Variants in PHACTR1 observed in about 807,000 individuals in gnomAD.
PHACTR1 encodes phosphatase and actin regulator 1, also known as RPEL repeat containing 1.
A neutral mutation model predicts 69.2 loss-of-function variants in PHACTR1; 16 were observed. The ratio of observed to expected loss-of-function variants is 0.23; its 90% CI spans 0.16 to 0.35. The LOEUF is 0.35. Among genes scored for constraint, PHACTR1 ranks in the 10% least tolerant of loss-of-function variants. The probability of loss-of-function intolerance (pLI) is 1.00; values close to 1 mark genes in which losing one functional copy is unlikely to be tolerated. For missense variants in PHACTR1, 510 were observed against 734.7 expected, an observed-to-expected ratio of 0.69 and a Z score of 3.54; for synonymous variants, 312 against 284.5, an observed-to-expected ratio of 1.10 and a Z score of -0.97.
At chr6:13,230,223 G>A (rs1448506217) in intron 10 of PHACTR1, 30 bp downstream of exon 10, 2 of 1,592,274 alleles carry the variant, frequency 1.3e-6, no homozygotes, top group East Asian at 2.3e-5. Flanking sequence ...TGCCTCCCTG[G>A]CAGTGGGCCT....
chr6:13,161,462 A>AT (rs1758995247), intron 6 of PHACTR1, among the ~76,000 whole-genome samples: 1 of 151,882 alleles, frequency 6.6e-6, no homozygotes, highest in African/African-American at 2.4e-5. Flanking sequence ...ATCAACAGTG[A>AT]TTTTCTATGT....
intron 4 of PHACTR1, among the ~76,000 whole-genome samples, chr6:12,870,299 A>C (rs994270966): frequency 6.6e-6 from 1 of 152,212 alleles, no homozygotes; most frequent in East Asian, 1.9e-4. Context: ...CAGGCAAAGA[A>C]ATACATATCT....
chr6:13,142,539 C>T (rs1822653866), intron 5 of PHACTR1, among the ~76,000 whole-genome samples: 1 of 152,142 alleles, frequency 6.6e-6, no homozygotes, highest in South Asian at 2.1e-4. Context: ...TTTTGCTCTA[C>T]TGTTTAGGTC....
At chr6:13,029,595 TA>T (rs1219441537) in intron 4 of PHACTR1, among the ~76,000 whole-genome samples, 1 of 152,208 alleles carries the variant, frequency 6.6e-6, no homozygotes, top group African/African-American at 2.4e-5. Flanking sequence ...TGGAGGAGCA[TA>T]CTGACATGAA....
At chr6:13,033,487 C>G (rs1229690162) in intron 4 of PHACTR1, among the ~76,000 whole-genome samples, 1 of 152,132 alleles carries the variant, frequency 6.6e-6, no homozygotes, top group African/African-American at 2.4e-5. Context: ...TTAAAATGCA[C>G]CATTATATCA....
At chr6:13,192,680 C>T (rs1376069511) in intron 7 of PHACTR1, among the ~76,000 whole-genome samples, 1 of 152,146 alleles carries the variant, frequency 6.6e-6, no homozygotes, top group Non-Finnish European at 1.5e-5. Flanking sequence ...GGGGCATGTC[C>T]AACATCAACA....
At chr6:13,266,147 C>T (rs1417095641) in intron 10 of PHACTR1, among the ~76,000 whole-genome samples, 1 of 152,138 alleles carries the variant, frequency 6.6e-6, no homozygotes, top group East Asian at 1.9e-4. Flanking sequence ...TCCCATCCAT[C>T]TAGTTGCATG....
intron 7 of PHACTR1, 28 bp downstream of exon 7, chr6:13,182,714 G>A (rs940515798): frequency 2.0e-6 from 3 of 1,486,480 alleles, no homozygotes; most frequent in Admixed American, 2.5e-5. Context: ...TTGTAGAGCA[G>A]GTCCCAGACA....
At chr6:13,024,984 AAGG>A (rs1416922549) in intron 4 of PHACTR1, among the ~76,000 whole-genome samples, 1 of 152,156 alleles carries the variant, frequency 6.6e-6, no homozygotes, top group Non-Finnish European at 1.5e-5. Context: ...AGGGCAAAAG[AAGG>A]AGAACTTATA....
At chr6:12,924,665 C>T (rs1313806762) in intron 4 of PHACTR1, among the ~76,000 whole-genome samples, 1 of 151,542 alleles carries the variant, frequency 6.6e-6, no homozygotes, top group African/African-American at 2.4e-5. Flanking sequence ...GTCCCAGCTA[C>T]TCGGGAGGCT....
intron 3 of PHACTR1, among the ~76,000 whole-genome samples, chr6:12,725,699 CTT>C (rs1288746357): frequency 6.6e-6 from 1 of 152,134 alleles, no homozygotes; most frequent in Non-Finnish European, 1.5e-5. Flanking sequence ...TATTGATACT[CTT>C]GTTTTACGAT....
rs970933715 is a variant in PHACTR1, at chr6:13,196,867, C to CT, written c.665-8947dup. 8.5e-4 allele frequency among the ~76,000 whole-genome samples: 130 copies of CT among 152,346 alleles called. 2 individuals carry two copies. Among genetic ancestry groups the CT allele is most frequent in the Admixed American group, 8.0e-3 (123 of 15,308 alleles). ...GAAGTCTTTCGCAAGCCTCTCTGCTCTATTACTTGATTCACTTTCCAATCA... is the reference window on the plus strand; with the variant it reads ...GAAGTCTTTCGCAAGCCTCTCTGCTCTTATTACTTGATTCACTTTCCAATCA... On this transcript the variant is annotated intron_variant, in intron 7 of 14. Transcript: ENST00000332995.
chr6:13,130,038 T>A (rs1235937116), intron 5 of PHACTR1, among the ~76,000 whole-genome samples: 1 of 152,128 alleles, frequency 6.6e-6, no homozygotes, highest in Non-Finnish European at 1.5e-5. Context: ...AATTAAATAA[T>A]CTGCTCTTAA....
At chr6:13,259,759 T>TCAGGGCCC (rs927390933) in intron 10 of PHACTR1, among the ~76,000 whole-genome samples, 1 of 152,168 alleles carries the variant, frequency 6.6e-6, no homozygotes, top group African/African-American at 2.4e-5. Context: ...GATGCGGGCC[T>TCAGGGCCC]CAGGGCCCCA....
chr6:13,121,857 T>A lies in PHACTR1; in HGVS notation c.416-38347T>A, dbSNP rs570479421. ...CATATGAGCAAGGCTTCACAGTGAA[T>A]CAGTTTGGGAATCTTGGGAACAGGG... On this transcript the variant is annotated intron_variant, in intron 5 of 14. Coordinates refer to ENST00000332995, the MANE Select transcript of PHACTR1 (RefSeq NM_030948.6). Among the ~76,000 whole-genome samples, 12 of 152,310 alleles carry A rather than the reference T, an allele frequency of 7.9e-5. No individual in the cohort carries two copies. The South Asian group carries it at 2.5e-3, about 32-fold the overall frequency.
At position 13,021,963 on chromosome 6, in the gene PHACTR1, T is replaced by C. The variant is rs181107039; in HGVS notation, c.251-31402T>C. Among the ~76,000 whole-genome samples, 4 of 152,364 alleles carry C rather than the reference T, an allele frequency of 2.6e-5. No homozygotes were observed. In the East Asian group the frequency reaches 7.7e-4, roughly 29 times the overall value. On this transcript the variant is annotated intron_variant, in intron 4 of 14. Coordinates refer to ENST00000332995, the MANE Select transcript of PHACTR1 (RefSeq NM_030948.6). The stretch of plus-strand genomic sequence containing the variant: ...AGGGTCAGAGAGTCAGAGTAGCTCA[T>C]GGCTTCCTAAATGTCACCTGCCCAT...
intron 4 of PHACTR1, among the ~76,000 whole-genome samples, chr6:12,823,522 C>T (rs868555726): frequency 6.6e-6 from 1 of 152,286 alleles, no homozygotes; most frequent in Middle Eastern, 3.4e-3. Flanking sequence ...ACAAACATAA[C>T]AAGCCCATCT....
At chr6:13,211,626 T>C (rs1241442007) in intron 8 of PHACTR1, among the ~76,000 whole-genome samples, 1 of 152,354 alleles carries the variant, frequency 6.6e-6, no homozygotes, top group African/African-American at 2.4e-5. Context: ...GCCAAAGACC[T>C]GGAGTCACCC....
chr6:13,043,008 T>A (rs1804428391), intron 4 of PHACTR1, among the ~76,000 whole-genome samples: 1 of 152,210 alleles, frequency 6.6e-6, no homozygotes, highest in Non-Finnish European at 1.5e-5. Flanking sequence ...TTCAGGGTTA[T>A]AGTGGTTTCA....
Sources: allele counts gnomAD v4.1 joint callset (sites outside exome capture counted in the v4.1 genomes callset), GRCh38; gene constraint gnomAD v4.1.1; transcripts MANE v1.5; gene names NCBI Gene and HGNC (gene_info 2026-07-23, HGNC 2026-07-21).